LIPN: variants seen among roughly 807,000 people sequenced by gnomAD.
LIPN encodes lipase member N.
Under a neutral mutation model 43.7 loss-of-function variants are expected in LIPN, and 32 were observed. The observed-to-expected ratio is 0.73, with a 90% CI of 0.55 to 0.98. LIPN has a LOEUF of 0.98. LIPN is among the 50% of genes least tolerant of loss of function. The probability of loss-of-function intolerance (pLI) is 0.00; values close to 1 mark genes in which losing one functional copy is unlikely to be tolerated. For synonymous variants in LIPN, 156 were observed against 157.6 expected (o/e 0.99, Z 0.08); for missense variants, 505 against 483.8 (o/e 1.04, Z -0.41).
intron 5 of LIPN, among the ~76,000 whole-genome samples, chr10:88,767,623 T>G (rs1037596380): frequency 9.2e-6 from 1 of 108,248 alleles, no homozygotes; most frequent in Non-Finnish European, 1.8e-5. Context: ...AGGACTTAGA[T>G]ATGCTCTTAT....
chr10:88,770,823 T>C lies in LIPN; in HGVS notation c.673-22T>C, dbSNP rs1279170879. ...GCAAATATTTTATCTCATTCAAAGA[T>C]AATTATTATTTACTTTCATAGGCTG... On this transcript the variant is annotated intron_variant, in intron 6 of 9. Transcript: ENST00000404459. The C allele has an allele frequency of 2.9e-6, 4 of 1,370,072 alleles. No individual in the cohort carries two copies. In the African/African-American group the frequency reaches 4.4e-5, roughly 15 times the overall value. The allele number at this position is 1,370,072 out of a possible 1,614,324, so 84.9% of individuals were successfully genotyped here.
At chr10:88,774,159 T>C (rs1463005558) in intron 7 of LIPN, among the ~76,000 whole-genome samples, 1 of 152,020 alleles carries the variant, frequency 6.6e-6, no homozygotes, top group Non-Finnish European at 1.5e-5. Flanking sequence ...ACCCCCACAC[T>C]TGCACATAGA....
chr10:88,768,955 T>C (rs764063383), intron 6 of LIPN, 27 bp downstream of exon 6: 49 of 1,597,558 alleles, frequency 3.1e-5, no homozygotes, highest in East Asian at 4.5e-5. Context: ...AAAATGTACC[T>C]GAGGATCTCA....
rs923900671 is a variant in LIPN at position 88,770,992 on chromosome 10, G to T, written c.819+1G>T. 22 of 1,565,854 alleles carry T rather than the reference G, an allele frequency of 1.4e-5. No individual in the cohort carries two copies. Among genetic ancestry groups the T allele is most frequent in the Non-Finnish European group, 1.7e-5 (20 of 1,153,550 alleles). Reference sequence around the variant, plus strand: ...ATCCAACAAGAAAAATATGAATCAGGTATGTATGATAATTATAGGGCCATT... The same window carrying T: ...ATCCAACAAGAAAAATATGAATCAGTTATGTATGATAATTATAGGGCCATT... On this transcript the variant is annotated splice_donor_variant, in intron 7 of 9. Transcript: ENST00000404459. LOFTEE classifies it high-confidence loss of function.
intron 6 of LIPN, 132 bp from the exon 7 acceptor site, chr10:88,770,713 A>G: frequency 1.9e-6 from 1 of 534,674 alleles, no homozygotes; most frequent in Non-Finnish European, 3.3e-6. Flanking sequence ...TGCTATTGCT[A>G]TTTGGGCTTG....
chr10:88,774,851 G>T (rs1424277082), intron 8 of LIPN, among the ~76,000 whole-genome samples: 5 of 151,832 alleles, frequency 3.3e-5, no homozygotes. Context: ...AGAAGTATCT[G>T]GGATTTAACT....
chr10:88,775,290 AATTTT>A lies in LIPN; in HGVS notation c.963+129_963+133del, dbSNP rs1480666117. ...TACTGATAGAACTTTTTTTTAAAAA[AATTTT>A]AATTTTAATTTTAATTTATTTCAGA... On this transcript the variant is annotated intron_variant, in intron 9 of 9. Coordinates refer to ENST00000404459, the MANE Select transcript of LIPN (RefSeq NM_001102469.2). 3 of 408,536 alleles carry A rather than the reference AATTTT, an allele frequency of 7.3e-6. No individual in the cohort carries two copies. The Admixed American group carries it at 1.4e-4, about 19-fold the overall frequency. The allele number at this position is 408,536 out of a possible 1,614,324, so 25.3% of individuals were successfully genotyped here.
intron 1 of LIPN, among the ~76,000 whole-genome samples, 139 bp downstream of exon 1, chr10:88,760,245 C>A (rs1842976389): frequency 6.6e-6 from 1 of 152,006 alleles, no homozygotes; most frequent in African/African-American, 2.4e-5. Flanking sequence ...TGACCTTGAG[C>A]AGGTCTTAAA....
At chr10:88,772,214 T>C (rs1478186252) in intron 7 of LIPN, among the ~76,000 whole-genome samples, 2 of 151,912 alleles carry the variant, frequency 1.3e-5, no homozygotes, top group Middle Eastern at 3.2e-3. Flanking sequence ...GGTTCTTTAG[T>C]TCACTTTGTT....
At chr10:88,773,540 G>A (rs775864535) in intron 7 of LIPN, among the ~76,000 whole-genome samples, 12 of 151,820 alleles carry the variant, frequency 7.9e-5, no homozygotes, top group Admixed American at 4.0e-4. Flanking sequence ...TTATGAAGAA[G>A]CAGCAGTCCT....
intron 3 of LIPN, among the ~76,000 whole-genome samples, chr10:88,762,726 G>T (rs757418733): frequency 1.3e-5 from 2 of 152,040 alleles, no homozygotes; most frequent in Non-Finnish European, 2.9e-5. Flanking sequence ...AAATTAAGGG[G>T]CCTCCCTCTG....
chr10:88,759,048 C>T (rs951263922), upstream of LIPN, among the ~76,000 whole-genome samples: 1 of 152,082 alleles, frequency 6.6e-6, no homozygotes. Context: ...CAGGGCAAAA[C>T]ATGCTTGAGT....
chr10:88,776,287 G>A (rs1450609184), intron 9 of LIPN, among the ~76,000 whole-genome samples: 1 of 151,930 alleles, frequency 6.6e-6, no homozygotes, highest in Non-Finnish European at 1.5e-5. Flanking sequence ...GAAGTGGATG[G>A]ACATGAAACA....
intron 4 of LIPN, 139 bp downstream of exon 4, chr10:88,764,747 A>G (rs1368680572): frequency 3.6e-6 from 2 of 557,550 alleles, no homozygotes; most frequent in Admixed American, 7.1e-5. Context: ...AAAGGAGGGT[A>G]ACAGCAAGAA....
chr10:88,771,264 T>TA (rs1444360174), intron 7 of LIPN, among the ~76,000 whole-genome samples: 2 of 151,994 alleles, frequency 1.3e-5, no homozygotes, highest in East Asian at 3.9e-4. Context: ...TTCTTTTTGT[T>TA]AGAGACATTC....
chr10:88,764,711 C>A, intron 4 of LIPN, 103 bp downstream of exon 4: 1 of 763,014 alleles, frequency 1.3e-6, no homozygotes, highest in Non-Finnish European at 2.0e-6. Context: ...AGTCATATAG[C>A]TCCTTGTAGT....
intron 6 of LIPN, chr10:88,769,514 T>A (rs966041553): frequency 1.2e-5 from 2 of 166,506 alleles, no homozygotes; most frequent in African/African-American, 8.3e-5. Context: ...TATTAAAGGG[T>A]TTTTTTTTTT....
intron 1 of LIPN, among the ~76,000 whole-genome samples, chr10:88,760,351 T>C (rs1398739817): frequency 6.6e-6 from 1 of 152,144 alleles, no homozygotes. Flanking sequence ...ATACGTGAAC[T>C]ATTTAGAGTA....
At position 88,764,392 on chromosome 10, in the gene LIPN, T is replaced by C. The variant is rs1208359952; in HGVS notation, c.227-18T>C. 2 of 1,598,342 alleles carry C rather than the reference T, an allele frequency of 1.3e-6. No homozygotes were observed. The highest frequency in any genetic ancestry group is 1.7e-6 in the Non-Finnish European group (2 of 1,168,970). On this transcript the variant is annotated intron_variant, in intron 3 of 9. Coordinates refer to ENST00000404459, the MANE Select transcript of LIPN (RefSeq NM_001102469.2). ...CTTTCTCTTTCTCCCTCTCTCATCT[T>C]ACCCTTTCCCCCACCAGGTCCCCGG...
Sources: allele counts gnomAD v4.1 joint callset (sites outside exome capture counted in the v4.1 genomes callset), GRCh38; gene constraint gnomAD v4.1.1; transcripts MANE v1.5; gene names NCBI Gene and HGNC (gene_info 2026-07-23, HGNC 2026-07-21).